The following RGPD6 variants were observed in gnomAD, a reference collection of about 807,000 sequenced individuals.
The protein encoded by RGPD6 is RANBP2-like and GRIP domain-containing protein 5/6.
the RGPD6 span, among the ~76,000 whole-genome samples, chr2:110,603,028 G>T: frequency 8.9e-6 from 1 of 112,408 alleles, no homozygotes. Context: ...CCGAGTGAGA[G>T]CTAAGCATAC....
At chr2:110,600,777 G>C in the RGPD6 span, among the ~76,000 whole-genome samples, 1 of 91,452 alleles carries the variant, frequency 1.1e-5, no homozygotes, top group Admixed American at 1.2e-4. Context: ...CTAATCTGAC[G>C]GGAGGCGGAG....
the RGPD6 span, among the ~76,000 whole-genome samples, chr2:110,594,444 ATT>A: frequency 3.7e-5 from 3 of 80,874 alleles, no homozygotes; most frequent in Admixed American, 4.0e-4. Context: ...AGAAAAAAAA[ATT>A]AAAAGCAACC....
chr2:110,609,991 C>G, the RGPD6 span, among the ~76,000 whole-genome samples: 1 of 145,484 alleles, frequency 6.9e-6, no homozygotes, highest in Admixed American at 6.8e-5. Flanking sequence ...TGGAGTGCCC[C>G]CCGGGCTGCG....
At position 110,577,082 on chromosome 2, in the gene RGPD6, C is replaced by T; in HGVS notation, c.-58G>A. On this transcript the variant is annotated 5_prime_UTR_variant, in exon 1 of 23. Transcript: ENST00000329516. ...GAGCACCGCTCAGCCCCGCAGCAGT[C>T]GCCACTTCCAAGAGGAAAGTGCCTG... 1 of 76,448 alleles carries T rather than the reference C, an allele frequency of 1.3e-5. No homozygotes were observed. The highest frequency in any genetic ancestry group is 1.7e-5 in the Non-Finnish European group (1 of 59,872). The allele number at this position is 76,448 out of a possible 1,614,324, so 4.7% of individuals were successfully genotyped here. A position where few individuals can be genotyped will look rare whatever the true frequency, so the allele number is the denominator to read the frequency against.
At chr2:110,597,042 A>G in the RGPD6 span, among the ~76,000 whole-genome samples, 162 of 95,902 alleles carry the variant, frequency 1.7e-3, 10 homozygotes, top group African/African-American at 7.4e-3. Flanking sequence ...GCAATGGCGC[A>G]ATCTAGGCTC....
chr2:110,594,112 A>C, the RGPD6 span, among the ~76,000 whole-genome samples: 3 of 138,054 alleles, frequency 2.2e-5, no homozygotes, highest in Non-Finnish European at 4.8e-5. Flanking sequence ...TCAATGTATT[A>C]AAGTATATAA....
chr2:110,602,038 TGTCA>T, the RGPD6 span, among the ~76,000 whole-genome samples: 8 of 106,946 alleles, frequency 7.5e-5, no homozygotes, highest in Non-Finnish European at 1.5e-4. Context: ...ATAAACTTCC[TGTCA>T]GTATCACAGA....
At chr2:110,594,051 C>A in the RGPD6 span, among the ~76,000 whole-genome samples, 3 of 139,614 alleles carry the variant, frequency 2.1e-5, no homozygotes, top group Non-Finnish European at 4.6e-5. Flanking sequence ...TATACCATAA[C>A]CAAGTGACAT....
At chr2:110,600,052 C>G in the RGPD6 span, among the ~76,000 whole-genome samples, 1 of 152,116 alleles carries the variant, frequency 6.6e-6, no homozygotes, top group African/African-American at 2.4e-5. Flanking sequence ...ACTCAGCAGG[C>G]TCCAAGTCAA....
the RGPD6 span, among the ~76,000 whole-genome samples, chr2:110,590,528 AT>A: frequency 1.1e-5 from 1 of 94,598 alleles, no homozygotes; most frequent in African/African-American, 3.6e-5. Flanking sequence ...AAAAGTAATC[AT>A]AGCTAAACAC....
At chr2:110,604,615 T>G in the RGPD6 span, among the ~76,000 whole-genome samples, 2 of 151,552 alleles carry the variant, frequency 1.3e-5, no homozygotes, top group East Asian at 1.9e-4. Flanking sequence ...TACCATTAAA[T>G]GATATTAAAA....
chr2:110,591,866 T>C, the RGPD6 span, among the ~76,000 whole-genome samples: 1 of 148,102 alleles, frequency 6.8e-6, no homozygotes, highest in East Asian at 2.0e-4. Context: ...CAGCTGATTC[T>C]GGGAAGCAGC....
chr2:110,608,304 T>G, the RGPD6 span, among the ~76,000 whole-genome samples: 1 of 145,904 alleles, frequency 6.9e-6, no homozygotes, highest in Non-Finnish European at 1.5e-5. Flanking sequence ...ATGACCTCAG[T>G]AAAGTCATTT....
the RGPD6 span, among the ~76,000 whole-genome samples, chr2:110,605,653 C>T: frequency 1.3e-5 from 2 of 151,594 alleles, no homozygotes; most frequent in East Asian, 1.9e-4. Context: ...CACTGGCCTG[C>T]GCATGTCCCC....
At chr2:110,610,875 C>G in the RGPD6 span, 1 of 865,354 alleles carries the variant, frequency 1.2e-6, no homozygotes, top group Non-Finnish European at 1.4e-6. Flanking sequence ...AAGGTGCATC[C>G]CAGCCGCGCC....
At chr2:110,605,222 G>A in the RGPD6 span, among the ~76,000 whole-genome samples, 3 of 151,780 alleles carry the variant, frequency 2.0e-5, no homozygotes, top group Non-Finnish European at 4.4e-5. Flanking sequence ...CCAGGCTGAT[G>A]AGCAGCCCCT....
the RGPD6 span, among the ~76,000 whole-genome samples, chr2:110,594,185 C>T: frequency 6.8e-6 from 1 of 147,666 alleles, no homozygotes; most frequent in East Asian, 2.0e-4. Flanking sequence ...ATGACCATCT[C>T]AATACATGTA....
the RGPD6 span, among the ~76,000 whole-genome samples, chr2:110,607,190 G>A: frequency 0.18 from 26,172 of 149,392 alleles, 2,699 homozygotes; most frequent in Middle Eastern, 0.28. Context: ...GCAGCCTTGC[G>A]CCTCTGCATA....
chr2:110,599,961 A>G, the RGPD6 span, among the ~76,000 whole-genome samples: 34 of 149,242 alleles, frequency 2.3e-4, no homozygotes, highest in Non-Finnish European at 4.0e-4. Flanking sequence ...ACTACCTTCA[A>G]TGAAAGGAAC....
Sources: gnomAD v4.1 joint callset for allele counts (sites outside exome capture counted in the v4.1 genomes callset) on GRCh38, gnomAD v4.1.1 for gene constraint, MANE v1.5 for transcripts, NCBI Gene and HGNC (gene_info 2026-07-23, HGNC 2026-07-21) for gene names.